The following PSMD14 variants were observed in gnomAD, a reference collection of about 807,000 sequenced individuals.
PSMD14 encodes ubiquitin C-terminal hydrolase PSMD14.
A neutral mutation model predicts 41.2 loss-of-function variants in PSMD14; 7 were observed. That is an observed-to-expected ratio of 0.17 (90% CI 0.10 to 0.32). The LOEUF (loss-of-function observed/expected upper bound fraction) is 0.32. Ranked by LOEUF, PSMD14 falls within the 10% of genes least tolerant of loss-of-function variation. PSMD14 has a pLI of 1.00. For missense variants in PSMD14, 139 were observed against 375.6 expected (o/e 0.37, Z 5.21); for synonymous variants, 114 against 122.3 (o/e 0.93, Z 0.45).
At chr2:161,334,529 C>T (rs1347815821) in intron 3 of PSMD14, among the ~76,000 whole-genome samples, 1 of 152,140 alleles carries the variant, frequency 6.6e-6, no homozygotes, top group Non-Finnish European at 1.5e-5. Context: ...GTAAATTATT[C>T]AGTATATTAA....
At chr2:161,314,666 C>G (rs373421994) in intron 1 of PSMD14, among the ~76,000 whole-genome samples, 115 of 152,332 alleles carry the variant, frequency 7.5e-4, no homozygotes, top group African/African-American at 2.6e-3. Context: ...GCTTCTTTTA[C>G]ATAGTGTGAT....
chr2:161,354,485 G>A (rs771556254), intron 3 of PSMD14, among the ~76,000 whole-genome samples: 6 of 108,782 alleles, frequency 5.5e-5, no homozygotes, highest in Non-Finnish European at 1.1e-4. Context: ...TTATAACAAA[G>A]GTAGTCGAGC....
intron 3 of PSMD14, among the ~76,000 whole-genome samples, chr2:161,364,711 TTCTC>T (rs1559047963): frequency 6.6e-6 from 1 of 152,050 alleles, no homozygotes; most frequent in Non-Finnish European, 1.5e-5. Context: ...TATATGCGAT[TTCTC>T]TCTCTCTCTG....
At chr2:161,396,353 A>C (rs1683794185) in intron 10 of PSMD14, among the ~76,000 whole-genome samples, 1 of 152,228 alleles carries the variant, frequency 6.6e-6, no homozygotes, top group African/African-American at 2.4e-5. Flanking sequence ...CATTATTCAT[A>C]GTACCCAAGA....
chr2:161,398,376 T>C (rs999336197), intron 10 of PSMD14, among the ~76,000 whole-genome samples: 1 of 152,244 alleles, frequency 6.6e-6, no homozygotes, highest in African/African-American at 2.4e-5. Context: ...TAGAGAATAA[T>C]TAAATTCTTA....
At chr2:161,313,958 G>A (rs551950413) in intron 1 of PSMD14, among the ~76,000 whole-genome samples, 2 of 152,212 alleles carry the variant, frequency 1.3e-5, no homozygotes, top group East Asian at 3.9e-4. Context: ...TATTCACAGT[G>A]TTATGTAACT....
chr2:161,334,974 A>G (rs1194822830), intron 3 of PSMD14, among the ~76,000 whole-genome samples: 1 of 152,258 alleles, frequency 6.6e-6, no homozygotes, highest in Non-Finnish European at 1.5e-5. Flanking sequence ...GCTTAGTGAA[A>G]TTAGGGTAGT....
At chr2:161,370,697 G>C (rs1395443307) in intron 6 of PSMD14, among the ~76,000 whole-genome samples, 1 of 152,120 alleles carries the variant, frequency 6.6e-6, no homozygotes, top group Non-Finnish European at 1.5e-5. Context: ...AGGCTCAGCA[G>C]CTGAGCAGAA....
intron 3 of PSMD14, among the ~76,000 whole-genome samples, chr2:161,346,942 G>A (rs1271410087): frequency 6.6e-6 from 1 of 152,048 alleles, no homozygotes; most frequent in Non-Finnish European, 1.5e-5. Context: ...AGAGGACCCT[G>A]TGAAGATCTC....
At position 161,411,312 on chromosome 2, in the gene PSMD14, G is replaced by A. The variant is rs756139595; in HGVS notation, c.845G>A (p.Arg282His). The stretch of plus-strand genomic sequence containing the variant: ...TTTTTGTTCTTTTAGGACCCCAAAC[G>A]TCATTTGGAGGAACATGTGGATGTA... The part of the protein sequence containing the change: ...IKNVGKQDPK[R>H]HLEEHVDVLM... The change falls in exon 12 of 12, where the codon CGT becomes CAT. Residue 282 changes from arginine to histidine, a missense_variant. Physicochemically the swap from Arg to His is conservative, Grantham distance 29 (BLOSUM62 0). Coordinates refer to ENST00000409682, the MANE Select transcript of PSMD14 (RefSeq NM_005805.6). 1.9e-6 allele frequency: 3 copies of A among 1,604,934 alleles called. No individual in the cohort carries two copies. The highest frequency in any genetic ancestry group is 1.7e-6 in the Non-Finnish European group (2 of 1,175,282).
At chr2:161,337,200 G>T (rs548683120) in intron 3 of PSMD14, among the ~76,000 whole-genome samples, 36 of 152,268 alleles carry the variant, frequency 2.4e-4, no homozygotes, top group African/African-American at 6.7e-4. Flanking sequence ...TAAAAGTCTC[G>T]TTTGGGAGTG....
At chr2:161,322,982 C>A (rs1419454887) in intron 3 of PSMD14, among the ~76,000 whole-genome samples, 1 of 152,180 alleles carries the variant, frequency 6.6e-6, no homozygotes, top group Admixed American at 6.5e-5. Flanking sequence ...TCTCCATTGA[C>A]CCCTTTCTCT....
At chr2:161,309,038 T>G (rs1184519785) in intron 1 of PSMD14, among the ~76,000 whole-genome samples, 1 of 152,202 alleles carries the variant, frequency 6.6e-6, no homozygotes, top group Non-Finnish European at 1.5e-5. Context: ...TAACCCTTTT[T>G]CTGTTAGTGT....
chr2:161,331,265 T>A (rs988209529), intron 3 of PSMD14, among the ~76,000 whole-genome samples: 2 of 152,060 alleles, frequency 1.3e-5, no homozygotes, highest in Non-Finnish European at 2.9e-5. Flanking sequence ...GGAATTTTTT[T>A]TTTTTTTTTA....
At chr2:161,350,380 A>G (rs987389481) in intron 3 of PSMD14, among the ~76,000 whole-genome samples, 8 of 152,204 alleles carry the variant, frequency 5.3e-5, no homozygotes, top group African/African-American at 1.7e-4. Flanking sequence ...CTATTTGAGG[A>G]TGAAGAACTT....
chr2:161,335,109 A>C (rs1682850148), intron 3 of PSMD14, among the ~76,000 whole-genome samples: 1 of 152,240 alleles, frequency 6.6e-6, no homozygotes, highest in Non-Finnish European at 1.5e-5. Context: ...ATGAGAAACA[A>C]GGTATTTTTA....
In PSMD14 at chr2:161,314,114, C is replaced by G. The variant is rs144959209; in HGVS notation, c.-137-2323C>G. ...ATTTATATTTTTAGATTTATAGGCA[C>G]CATTTAGAATTAGTCCAATGATTTT... On this transcript the variant is annotated intron_variant, in intron 1 of 11. Coordinates refer to ENST00000409682, the MANE Select transcript of PSMD14 (RefSeq NM_005805.6). Among the ~76,000 whole-genome samples, 238 of 152,296 alleles carry G rather than the reference C, an allele frequency of 1.6e-3. 2 individuals carry two copies. Among genetic ancestry groups the G allele is most frequent in the African/African-American group, 5.2e-3 (218 of 41,554 alleles).
intron 3 of PSMD14, among the ~76,000 whole-genome samples, chr2:161,324,196 A>G (rs1405812038): frequency 2.0e-5 from 3 of 152,222 alleles, no homozygotes; most frequent in East Asian, 1.9e-4. Flanking sequence ...ATCAGGTATT[A>G]TATACTATAA....
In PSMD14 at chr2:161,349,572, C is replaced by T. The variant is rs564024501; in HGVS notation, c.49-17906C>T. 9.2e-5 allele frequency among the ~76,000 whole-genome samples: 14 copies of T among 152,202 alleles called. No individual in the cohort carries two copies. In the South Asian group the frequency reaches 1.5e-3, roughly 16 times the overall value. ...TTTTGACTTTTCTATTTAAGATGTT[C>T]GATCAGGTAACAGATGTAGTCTGTG... On this transcript the variant is annotated intron_variant, in intron 3 of 11. Transcript: ENST00000409682.
Sources: allele counts gnomAD v4.1 joint callset (sites outside exome capture counted in the v4.1 genomes callset), GRCh38; gene constraint gnomAD v4.1.1; transcripts MANE v1.5; gene names NCBI Gene and HGNC (gene_info 2026-07-23, HGNC 2026-07-21).